Variants in SEMA3A observed in about 807,000 individuals in gnomAD.
SEMA3A encodes the protein semaphorin 3A.
A neutral mutation model predicts 97.9 loss-of-function variants in SEMA3A; 29 were observed. The observed-to-expected ratio is 0.30, with a 90% CI of 0.22 to 0.40. The LOEUF is 0.40. SEMA3A is among the 10% of genes least tolerant of loss of function. The pLI is 1.00. For synonymous variants in SEMA3A, 321 were observed against 323.7 expected (o/e 0.99, Z 0.09); for missense variants, 763 against 951.3 (o/e 0.80, Z 2.60).
chr7:84,166,300 G>A (rs994096830), intron 1 of SEMA3A, among the ~76,000 whole-genome samples: 3 of 151,022 alleles, frequency 2.0e-5, no homozygotes, highest in African/African-American at 7.3e-5. Flanking sequence ...GAGGCCGGGC[G>A]CAGTGGCTCA....
chr7:84,177,930 T>C (rs531007955), intron 1 of SEMA3A, among the ~76,000 whole-genome samples: 4 of 152,252 alleles, frequency 2.6e-5, no homozygotes, highest in African/African-American at 9.6e-5. Flanking sequence ...TTCAACTCTC[T>C]CCTAATGTAT....
At chr7:84,447,120 G>A (rs913767153) in intron 1 of SEMA3A, among the ~76,000 whole-genome samples, 1 of 152,204 alleles carries the variant, frequency 6.6e-6, no homozygotes, top group African/African-American at 2.4e-5. Flanking sequence ...GACCTGGCCA[G>A]GTGTGCACAC....
intron 1 of SEMA3A, among the ~76,000 whole-genome samples, chr7:84,419,515 C>G (rs1231703670): frequency 2.1e-5 from 3 of 146,242 alleles, no homozygotes; most frequent in Non-Finnish European, 3.0e-5. Flanking sequence ...CATAATCTCA[C>G]AGCTGCATGA....
intron 1 of SEMA3A, among the ~76,000 whole-genome samples, chr7:84,173,574 AAAAAAAAAAT>A (rs1304999596): frequency 1.4e-5 from 2 of 147,290 alleles, no homozygotes; most frequent in African/African-American, 5.0e-5. Context: ...AAAAAAAAAA[AAAAAAAAAAT>A]TTACAAAAAT....
intron 5 of SEMA3A, among the ~76,000 whole-genome samples, chr7:84,047,351 T>C (rs1347576584): frequency 6.6e-6 from 1 of 152,058 alleles, no homozygotes; most frequent in African/African-American, 2.4e-5. Context: ...GGCTTGACAC[T>C]TTCAAGTTAT....
intron 3 of SEMA3A, among the ~76,000 whole-genome samples, chr7:84,236,966 A>C (rs2116370097): frequency 6.6e-6 from 1 of 152,268 alleles, no homozygotes; most frequent in Non-Finnish European, 1.5e-5. Flanking sequence ...TACTTAAAGC[A>C]ATATCATATA....
At chr7:84,238,951 A>G (rs1454742477) in intron 3 of SEMA3A, among the ~76,000 whole-genome samples, 1 of 152,114 alleles carries the variant, frequency 6.6e-6, no homozygotes, top group African/African-American at 2.4e-5. Flanking sequence ...TCCTGACCTC[A>G]GGCAATCCGC....
intron 3 of SEMA3A, among the ~76,000 whole-genome samples, chr7:84,119,845 A>C (rs1795549157): frequency 2.0e-5 from 3 of 152,200 alleles, no homozygotes; most frequent in Admixed American, 2.0e-4. Context: ...TGGTCAAATC[A>C]TGATAATAAA....
chr7:84,260,793 C>T (rs907926028), intron 3 of SEMA3A, among the ~76,000 whole-genome samples: 6 of 152,124 alleles, frequency 3.9e-5, no homozygotes, highest in Non-Finnish European at 8.8e-5. Flanking sequence ...GCCTGTGCGT[C>T]ATGGATGATA....
intron 1 of SEMA3A, among the ~76,000 whole-genome samples, chr7:84,452,468 G>A (rs1217013445): frequency 6.6e-6 from 1 of 152,128 alleles, no homozygotes; most frequent in African/African-American, 2.4e-5. Context: ...ATGGCCATTT[G>A]AGAGAATTTT....
intron 1 of SEMA3A, among the ~76,000 whole-genome samples, chr7:84,190,462 G>A (rs995329685): frequency 6.6e-6 from 1 of 151,550 alleles, no homozygotes; most frequent in Non-Finnish European, 1.5e-5. Flanking sequence ...GTGAGTATTT[G>A]AGAAAAGTCA....
chr7:83,994,974 T>C (rs897635803), intron 12 of SEMA3A, among the ~76,000 whole-genome samples: 3 of 152,002 alleles, frequency 2.0e-5, no homozygotes, highest in Non-Finnish European at 4.4e-5. Context: ...CGAGACTCCA[T>C]GGGCACAGGA....
At chr7:84,071,269 CGT>C (rs1793729387) in intron 4 of SEMA3A, among the ~76,000 whole-genome samples, 1 of 151,994 alleles carries the variant, frequency 6.6e-6, no homozygotes, top group Admixed American at 6.6e-5. Context: ...TTGAACAACA[CGT>C]GTCCAAATTC....
At chr7:84,150,033 T>A (rs571999427) in intron 1 of SEMA3A, among the ~76,000 whole-genome samples, 1 of 152,344 alleles carries the variant, frequency 6.6e-6, no homozygotes, top group South Asian at 2.1e-4. Context: ...AAAATGAGTA[T>A]CTTTGTCAAT....
chr7:84,385,422 C>T (rs1177466803), intron 1 of SEMA3A, among the ~76,000 whole-genome samples: 1 of 152,132 alleles, frequency 6.6e-6, no homozygotes, highest in African/African-American at 2.4e-5. Flanking sequence ...AGTTAACTTC[C>T]TGCTCATGGA....
At chr7:84,453,004 T>TTACA (rs1259618540) in intron 1 of SEMA3A, among the ~76,000 whole-genome samples, 2 of 152,126 alleles carry the variant, frequency 1.3e-5, no homozygotes, top group Non-Finnish European at 2.9e-5. Context: ...TCCTACAGAT[T>TTACA]TGTAGCAGGT....
At position 84,095,358 on chromosome 7, in the gene SEMA3A, C is replaced by CACACACATATATATATAT. The variant is rs1211794166; in HGVS notation, c.453+15111_453+15112insATATATATATATGTGTGT. Among the ~76,000 whole-genome samples, 225 of 122,874 alleles carry CACACACATATATATATAT rather than the reference C, an allele frequency of 1.8e-3. 6 individuals carry two copies. The highest frequency in any genetic ancestry group is 7.0e-3 in the African/African-American group (204 of 28,994). The allele number at this position is 122,874 out of a possible 152,430, so 80.6% of individuals were successfully genotyped here. A position where few individuals can be genotyped will look rare whatever the true frequency, so the allele number is the denominator to read the frequency against. On this transcript the variant is annotated intron_variant, in intron 4 of 16. Transcript: ENST00000265362. ...ATATATATTTTATATTTTTTATATA[C>CACACACATATATATATAT]ATATATATATATATATATATATATA...
intron 1 of SEMA3A, among the ~76,000 whole-genome samples, chr7:84,162,935 G>GGA (rs1454180594): frequency 6.6e-6 from 1 of 152,102 alleles, no homozygotes; most frequent in Admixed American, 6.5e-5. Flanking sequence ...AAGTACCTAG[G>GGA]GAGAGAGCTA....
At chr7:84,286,471 T>C (rs1584202731) in intron 3 of SEMA3A, among the ~76,000 whole-genome samples, 2 of 152,156 alleles carry the variant, frequency 1.3e-5, no homozygotes, top group African/African-American at 4.8e-5. Flanking sequence ...AATATAAATA[T>C]GAGTCTCTAG....
Sources: allele counts gnomAD v4.1 joint callset (sites outside exome capture counted in the v4.1 genomes callset), GRCh38; gene constraint gnomAD v4.1.1; transcripts MANE v1.5; gene names NCBI Gene and HGNC (gene_info 2026-07-23, HGNC 2026-07-21).